TEX28: variants seen among roughly 807,000 people sequenced by gnomAD.
The protein encoded by TEX28 is testis-specific protein TEX28.
At chrX:154,294,934 G>C (rs1436747425), upstream of TEX28, 1 of 112,683 alleles carries the variant, frequency 8.9e-6, no homozygotes, top group Non-Finnish European at 1.9e-5. Flanking sequence ...TTTGAACCAA[G>C]AGACAGCACT....
upstream of TEX28, among the ~76,000 whole-genome samples, chrX:154,294,516 C>A (rs925925238): frequency 2.9e-5 from 3 of 105,175 alleles, no homozygotes; most frequent in Non-Finnish European, 5.8e-5. Context: ...CAGGTGCCCA[C>A]CACCGCCTGG....
upstream of TEX28, among the ~76,000 whole-genome samples, chrX:154,294,174 G>A (rs1557163098): frequency 5.5e-3 from 579 of 104,606 alleles, 6 homozygotes; most frequent in African/African-American, 0.018. Flanking sequence ...AGGTACAAGC[G>A]ATTCTCCTGT....
upstream of TEX28, among the ~76,000 whole-genome samples, chrX:154,293,718 TGATA>T (rs1158792734): frequency 3.7e-5 from 2 of 53,958 alleles, no homozygotes; most frequent in African/African-American, 1.3e-4. Context: ...GAAACATATC[TGATA>T]GATAAAGGGC....
At chrX:154,295,185 C>G (rs1475473879), upstream of TEX28, 1 of 112,836 alleles carries the variant, frequency 8.9e-6, no homozygotes, top group African/African-American at 3.2e-5. Flanking sequence ...GCTAACTCCT[C>G]CTCAACAATC....
At chrX:154,293,693 G>GA (rs1242545582), upstream of TEX28, among the ~76,000 whole-genome samples, 3 of 53,742 alleles carry the variant, frequency 5.6e-5, no homozygotes, top group Admixed American at 2.1e-4. Context: ...AAGCAAACAA[G>GA]AAAAAAAAAG....
At chrX:154,294,581 C>A (rs2067203552), upstream of TEX28, among the ~76,000 whole-genome samples, 1 of 89,342 alleles carries the variant, frequency 1.1e-5, no homozygotes, top group Admixed American at 1.5e-4. Context: ...GTGGGCAGAT[C>A]ACCTGAGGTC....
At chrX:154,294,585 T>C (rs2067203637), upstream of TEX28, among the ~76,000 whole-genome samples, 1 of 90,755 alleles carries the variant, frequency 1.1e-5, no homozygotes, top group Non-Finnish European at 2.1e-5. Flanking sequence ...GCAGATCACC[T>C]GAGGTCAGGA....
chrX:154,295,048 G>A (rs2067209400), upstream of TEX28: 1 of 111,846 alleles, frequency 8.9e-6, no homozygotes, highest in South Asian at 3.7e-4. Flanking sequence ...TGGGGAGAAG[G>A]TTCTCTGAGA....
At chrX:154,294,406 G>A (rs1557163159), upstream of TEX28, among the ~76,000 whole-genome samples, 9 of 104,393 alleles carry the variant, frequency 8.6e-5, no homozygotes, top group East Asian at 6.0e-4. Context: ...TTGCTCTGTC[G>A]CCCAGGCTGG....
chrX:154,294,104 C>G (rs1455663042), upstream of TEX28, among the ~76,000 whole-genome samples: 1 of 92,111 alleles, frequency 1.1e-5, no homozygotes, highest in East Asian at 3.5e-4. Flanking sequence ...GAGTTTTGCT[C>G]TTGTTGCCCA....
chrX:154,295,008 G>A (rs782012734), upstream of TEX28: 5 of 111,973 alleles, frequency 4.5e-5, no homozygotes, highest in African/African-American at 9.7e-5. Flanking sequence ...GGAGCCATGC[G>A]AGTTCTGGGT....
upstream of TEX28, among the ~76,000 whole-genome samples, chrX:154,292,941 C>CG (rs1228067614): frequency 0.018 from 18 of 990 alleles, no homozygotes; most frequent in South Asian, 0.089. Flanking sequence ...AAAAAAAGAG[C>CG]GGGGGGGGGG....
At chrX:154,294,673 G>A (rs1046861693), upstream of TEX28, among the ~76,000 whole-genome samples, 6 of 110,377 alleles carry the variant, frequency 5.4e-5, no homozygotes, top group African/African-American at 2.0e-4. Context: ...TGTGGTGGCG[G>A]ATGCCTGTAA....
At chrX:154,294,515 A>C (rs1439435952), upstream of TEX28, among the ~76,000 whole-genome samples, 3 of 102,234 alleles carry the variant, frequency 2.9e-5, no homozygotes, top group African/African-American at 1.1e-4. Context: ...ACAGGTGCCC[A>C]CCACCGCCTG....
chrX:154,294,802 C>G (rs1295594766), upstream of TEX28, among the ~76,000 whole-genome samples: 1 of 95,029 alleles, frequency 1.1e-5, no homozygotes, highest in Admixed American at 1.2e-4. Context: ...GACTCCGTCT[C>G]AAAAAAAAAA....
At chrX:154,294,370 CT>C (rs1167481537), upstream of TEX28, among the ~76,000 whole-genome samples, 789 of 93,152 alleles carry the variant, frequency 8.5e-3, 3 homozygotes, top group African/African-American at 0.024. Flanking sequence ...TGCCCAGCCA[CT>C]TTTTTTTTTT....
upstream of TEX28, chrX:154,294,909 T>G (rs1557163635): frequency 1.8e-5 from 2 of 112,527 alleles, no homozygotes; most frequent in African/African-American, 6.4e-5. Flanking sequence ...TGAGCTCACG[T>G]AGAAATTCGG....
upstream of TEX28, among the ~76,000 whole-genome samples, chrX:154,294,784 C>G (rs1557163585): frequency 9.2e-6 from 1 of 108,500 alleles, no homozygotes; most frequent in African/African-American, 3.4e-5. Context: ...GCTTGGGCGA[C>G]AGGGCGAGAC....
At chrX:154,295,123 T>G (rs1328368801), upstream of TEX28, 1 of 111,903 alleles carries the variant, frequency 8.9e-6, no homozygotes, top group Non-Finnish European at 1.9e-5. Context: ...GCGAGCACAT[T>G]CCCTAGTTAC....
Sources: gnomAD v4.1 joint callset for allele counts (sites outside exome capture counted in the v4.1 genomes callset) on GRCh38, gnomAD v4.1.1 for gene constraint, MANE v1.5 for transcripts, NCBI Gene and HGNC (gene_info 2026-07-23, HGNC 2026-07-21) for gene names.